GTF2A1: variants seen among roughly 807,000 people sequenced by gnomAD.
GTF2A1 encodes transcription initiation factor IIA subunit 1.
Under a neutral mutation model 54.1 loss-of-function variants are expected in GTF2A1, and 12 were observed. The observed-to-expected ratio is 0.22, with a 90% CI of 0.14 to 0.36. The LOEUF (loss-of-function observed/expected upper bound fraction) is 0.36, where lower values mean the gene tolerates loss of function less well. Among genes scored for constraint, GTF2A1 ranks in the 10% least tolerant of loss-of-function variants. The pLI is 1.00. For missense variants in GTF2A1, 335 were observed against 442.2 expected (o/e 0.76, Z 2.17); for synonymous variants, 145 against 152.0 (o/e 0.95, Z 0.34).
chr14:81,194,813 A>G (rs945008509), intron 6 of GTF2A1, among the ~76,000 whole-genome samples: 1 of 152,242 alleles, frequency 6.6e-6, no homozygotes, highest in Non-Finnish European at 1.5e-5. Context: ...GGCTCTTCTC[A>G]GTAGGCAATG....
rs779612532 is a variant in GTF2A1 at position 81,185,624 on chromosome 14, C to G, written c.934-4G>C. ...CATCTTCACTATTGAGGGGCTCCTA[C>G]AAATAAAAGGAGAGTTCTTATTACT... On this transcript the variant is annotated splice_polypyrimidine_tract_variant and splice_region_variant and intron_variant, in intron 7 of 8. Coordinates refer to ENST00000553612, the MANE Select transcript of GTF2A1 (RefSeq NM_015859.4). 1 of 1,507,502 alleles carries G rather than the reference C, an allele frequency of 6.6e-7. No individual in the cohort carries two copies. The highest frequency in any genetic ancestry group is 2.3e-5 in the East Asian group (1 of 44,120). 93.4% of individuals were successfully genotyped at this position (1,507,502 alleles called of 1,614,324 possible).
intron 7 of GTF2A1, 25 bp downstream of exon 7, chr14:81,192,494 T>C: frequency 2.6e-6 from 4 of 1,547,110 alleles, no homozygotes; most frequent in Non-Finnish European, 3.5e-6. Context: ...AGTAGATTAT[T>C]TTAAGTATGT....
chr14:81,207,131 C>CTACG (rs1893250386), intron 2 of GTF2A1, among the ~76,000 whole-genome samples: 1 of 134,902 alleles, frequency 7.4e-6, no homozygotes, highest in Non-Finnish European at 1.6e-5. Context: ...ATCTATCTAC[C>CTACG]TACCTACGTA....
chr14:81,209,056 C>T (rs1336989955), intron 2 of GTF2A1, among the ~76,000 whole-genome samples: 1 of 152,036 alleles, frequency 6.6e-6, no homozygotes, highest in Non-Finnish European at 1.5e-5. Context: ...TGGGAAGGTA[C>T]GATTGGTTTT....
In GTF2A1 at chr14:81,192,588, T is replaced by TTCTTCA. The variant is rs766671193; in HGVS notation, c.858_863dup (p.Asp286_Glu287dup). The TTCTTCA allele has an allele frequency of 6.8e-6, 11 of 1,613,078 alleles. No homozygotes were observed. Among genetic ancestry groups the TTCTTCA allele is most frequent in the Non-Finnish European group, 8.5e-6 (10 of 1,179,082 alleles). ...CCTCCTCATCATCATCATAGTCTTC[T>TTCTTCA]TCTTCATCTTCATCTTCTTCAGATG... On this transcript the variant is annotated inframe_insertion, in exon 7 of 9. Coordinates refer to ENST00000553612, the MANE Select transcript of GTF2A1 (RefSeq NM_015859.4).
intron 1 of GTF2A1, among the ~76,000 whole-genome samples, chr14:81,219,134 A>G (rs1425724272): frequency 6.6e-6 from 1 of 152,140 alleles, no homozygotes; most frequent in Non-Finnish European, 1.5e-5. Flanking sequence ...TAATTTTGAA[A>G]ATTGTAAACA....
intron 3 of GTF2A1, among the ~76,000 whole-genome samples, chr14:81,203,578 T>A (rs1024799735): frequency 3.3e-5 from 5 of 152,202 alleles, no homozygotes; most frequent in Admixed American, 6.5e-5. Context: ...AGGAAATCCA[T>A]CACTATATAG....
intron 1 of GTF2A1, 62 bp downstream of exon 1, chr14:81,220,427 C>A: frequency 8.1e-7 from 1 of 1,240,444 alleles, no homozygotes; most frequent in Non-Finnish European, 1.1e-6. Flanking sequence ...CCGCCCCCGC[C>A]CGGTCCGGCC....
chr14:81,196,022 T>A, intron 6 of GTF2A1, 86 bp downstream of exon 6: 3 of 1,188,586 alleles, frequency 2.5e-6, no homozygotes, highest in Non-Finnish European at 3.7e-6. Context: ...GAGTCTTTTG[T>A]GCATATAAGG....
At chr14:81,195,341 G>T (rs1243939450) in intron 6 of GTF2A1, among the ~76,000 whole-genome samples, 1 of 142,254 alleles carries the variant, frequency 7.0e-6, no homozygotes, top group Non-Finnish European at 1.6e-5. Context: ...TGCAGTTAAA[G>T]AAAAAAAAAA....
rs960183301 is a variant in GTF2A1, at chr14:81,209,835, TCCATGCA to T, written c.133-5738_133-5732del. On this transcript the variant is annotated intron_variant, in intron 2 of 8. Transcript: ENST00000553612. ...CAAAGAAAAGCCATCACTCACTGCC[TCCATGCA>T]TAAAAGACATTTCTATTTTGTACTT... The T allele has an allele frequency of 4.7e-6, 4 of 854,230 alleles. No individual in the cohort carries two copies. In the African/African-American group the frequency reaches 5.2e-5, roughly 11 times the overall value. 52.9% of individuals were successfully genotyped at this position (854,230 alleles called of 1,614,324 possible).
chr14:81,179,352 C>T lies in GTF2A1; in HGVS notation c.*871G>A, dbSNP rs1892592651. ...ACTTCAGCCCAACAGGAAAAGTCTACATATATTCATGTGTATACAATTTCA... is the reference window on the plus strand; with the variant it reads ...ACTTCAGCCCAACAGGAAAAGTCTATATATATTCATGTGTATACAATTTCA... On this transcript the variant is annotated 3_prime_UTR_variant, in exon 9 of 9. Transcript: ENST00000553612. The T allele has an allele frequency of 6.6e-6, 1 of 152,180 alleles. No homozygotes were observed. The highest frequency in any genetic ancestry group is 6.5e-5 in the Admixed American group (1 of 15,278). 9.4% of individuals were successfully genotyped at this position (152,180 alleles called of 1,614,324 possible).
intron 2 of GTF2A1, among the ~76,000 whole-genome samples, chr14:81,215,743 G>T (rs1395631061): frequency 6.6e-6 from 1 of 152,042 alleles, no homozygotes; most frequent in Non-Finnish European, 1.5e-5. Flanking sequence ...ATTAAAAAAA[G>T]ATAAGATTAA....
rs749038152 is a variant in GTF2A1 at position 81,195,135 on chromosome 14, C to CAA, written c.612+971_612+972dup. 8.0e-4 allele frequency among the ~76,000 whole-genome samples: 49 copies of CAA among 61,202 alleles called. 1 individual carries two copies. The highest frequency in any genetic ancestry group is 1.7e-3 in the African/African-American group (34 of 20,304). 40.2% of individuals were successfully genotyped at this position (61,202 alleles called of 152,430 possible). Reference sequence around the variant, plus strand: ...ACCCTAGGTGACAGAGACTCTGTCTCAAAAAAAAAAAAAAAAAAAGATGAC... The same window carrying CAA: ...ACCCTAGGTGACAGAGACTCTGTCTCAAAAAAAAAAAAAAAAAAAAAGATGAC... On this transcript the variant is annotated intron_variant, in intron 6 of 8. Coordinates refer to ENST00000553612, the MANE Select transcript of GTF2A1 (RefSeq NM_015859.4).
Position 81,177,989 on chromosome 14 carries a change from G to A in GTF2A1, c.*2234C>T, listed in dbSNP as rs563021138. 1 of 152,140 alleles carries A rather than the reference G, an allele frequency of 6.6e-6. No individual in the cohort carries two copies. The highest frequency in any genetic ancestry group is 1.9e-4 in the East Asian group (1 of 5,190). The allele number at this position is 152,140 out of a possible 1,614,324, so 9.4% of individuals were successfully genotyped here. ...GTATACCATAATTCATATGCAATAC[G>A]CAGGTGCAAATACAAATGGTTATTT... On this transcript the variant is annotated 3_prime_UTR_variant, in exon 9 of 9. Transcript: ENST00000553612.
At chr14:81,205,090 C>T (rs1367317964) in intron 2 of GTF2A1, among the ~76,000 whole-genome samples, 1 of 152,104 alleles carries the variant, frequency 6.6e-6, no homozygotes, top group Non-Finnish European at 1.5e-5. Context: ...TTCCCTTTGC[C>T]ATACTCACAG....
rs1401832083 is a variant in GTF2A1 at position 81,192,783 on chromosome 14, A to G, written c.669T>C (p.Pro223=). The G allele has an allele frequency of 6.2e-7, 1 of 1,613,626 alleles. No individual in the cohort carries two copies. Among genetic ancestry groups the G allele is most frequent in the East Asian group, 2.2e-5 (1 of 44,900 alleles). Residue 223 remains proline, a synonymous_variant, in exon 7 of 9, where the codon CCT becomes CCC. Coordinates refer to ENST00000553612, the MANE Select transcript of GTF2A1 (RefSeq NM_015859.4). The stretch of plus-strand genomic sequence containing the variant: ...TATTTCCTGTAAATAAGATTTGCTG[A>G]GGCTGGATGATGACACCTGTCTGTG... The part of the protein sequence containing the change: ...ISPQTGVIIQ[P]QQILFTGNKT...
chr14:81,188,305 G>A (rs1009162373), intron 7 of GTF2A1, among the ~76,000 whole-genome samples: 1 of 152,158 alleles, frequency 6.6e-6, no homozygotes. Context: ...ACTCCAGCCC[G>A]GGAGGTCAAG....
At chr14:81,190,970 G>C (rs1313836163) in intron 7 of GTF2A1, among the ~76,000 whole-genome samples, 2 of 152,076 alleles carry the variant, frequency 1.3e-5, no homozygotes, top group Non-Finnish European at 2.9e-5. Context: ...AACTGGAAAA[G>C]GTAATAAAAA....
Sources: gnomAD v4.1 joint callset for allele counts (sites outside exome capture counted in the v4.1 genomes callset) on GRCh38, gnomAD v4.1.1 for gene constraint, MANE v1.5 for transcripts, NCBI Gene and HGNC (gene_info 2026-07-23, HGNC 2026-07-21) for gene names.